DLG2: variants seen among roughly 807,000 people sequenced by gnomAD.
The protein encoded by DLG2 is disks large homolog 2.
DLG2 carries 45 observed loss-of-function variants against 132.5 expected under a neutral mutation model. That is an observed-to-expected ratio of 0.34 (90% CI 0.27 to 0.44). DLG2 has a LOEUF of 0.44. DLG2 is among the 20% of genes least tolerant of loss of function. The pLI is 1.00. For synonymous variants in DLG2, 424 were observed against 419.6 expected (o/e 1.01, Z -0.13); for missense variants, 1,045 against 1,196.9 (o/e 0.87, Z 1.87).
At chr11:83,990,475 G>A (rs535494758) in intron 11 of DLG2, among the ~76,000 whole-genome samples, 1 of 152,170 alleles carries the variant, frequency 6.6e-6, no homozygotes, top group East Asian at 1.9e-4. Context: ...CACCATGAAC[G>A]GATCGTGGTT....
chr11:83,470,211 A>T (rs1426801293), intron 24 of DLG2, among the ~76,000 whole-genome samples: 2 of 152,026 alleles, frequency 1.3e-5, no homozygotes, highest in Non-Finnish European at 2.9e-5. Flanking sequence ...AATAGGGAAA[A>T]ACCAAAATGT....
intron 11 of DLG2, among the ~76,000 whole-genome samples, chr11:84,015,988 C>T (rs187518115): frequency 1.3e-4 from 20 of 152,298 alleles, no homozygotes; most frequent in Admixed American, 5.2e-4. Context: ...AACTAATTTA[C>T]ACTCCCACCA....
chr11:84,507,531 G>A (rs2099244893), intron 7 of DLG2, among the ~76,000 whole-genome samples: 1 of 152,048 alleles, frequency 6.6e-6, no homozygotes. Context: ...TAAAAACTGG[G>A]CATCCTTGTC....
intron 18 of DLG2, among the ~76,000 whole-genome samples, chr11:83,663,808 G>T (rs531186715): frequency 5.0e-4 from 76 of 152,332 alleles, no homozygotes; most frequent in African/African-American, 1.7e-3. Flanking sequence ...TTCCTTGGAA[G>T]CCTCAGTTGT....
At chr11:84,457,627 G>A (rs1450854491) in intron 7 of DLG2, among the ~76,000 whole-genome samples, 1 of 150,892 alleles carries the variant, frequency 6.6e-6, no homozygotes, top group East Asian at 1.9e-4. Flanking sequence ...ATTTCCCTGT[G>A]AAAAGGCATT....
At chr11:84,869,407 A>G (rs2154039828) in intron 6 of DLG2, among the ~76,000 whole-genome samples, 2 of 152,288 alleles carry the variant, frequency 1.3e-5, no homozygotes, top group South Asian at 4.1e-4. Flanking sequence ...GACAAGGATG[A>G]GTTAAGATAG....
intron 9 of DLG2, among the ~76,000 whole-genome samples, 197 bp downstream of exon 9, chr11:84,163,264 T>C (rs1484085819): frequency 2.0e-5 from 3 of 152,176 alleles, no homozygotes; most frequent in Non-Finnish European, 2.9e-5. Flanking sequence ...ATTTACATAC[T>C]AAACATTCAG....
At chr11:84,153,584 A>C (rs2095357464) in intron 9 of DLG2, among the ~76,000 whole-genome samples, 1 of 152,202 alleles carries the variant, frequency 6.6e-6, no homozygotes, top group African/African-American at 2.4e-5. Context: ...TGTTGATTCA[A>C]AAGACCAGTC....
intron 3 of DLG2, among the ~76,000 whole-genome samples, chr11:85,383,866 C>G (rs570790455): frequency 3.9e-5 from 6 of 152,164 alleles, no homozygotes; most frequent in Non-Finnish European, 8.8e-5. Flanking sequence ...TAGATCCTTT[C>G]TGTGCCTTGA....
intron 26 of DLG2, among the ~76,000 whole-genome samples, chr11:83,465,581 A>G (rs2090871118): frequency 6.6e-6 from 1 of 152,184 alleles, no homozygotes; most frequent in Non-Finnish European, 1.5e-5. Context: ...TGGAAGAGGT[A>G]CTGTTTATGT....
At chr11:85,503,015 C>T (rs905191913) in intron 3 of DLG2, among the ~76,000 whole-genome samples, 9 of 151,984 alleles carry the variant, frequency 5.9e-5, no homozygotes, top group Non-Finnish European at 1.0e-4. Context: ...TAACACTATT[C>T]CCTACAATAT....
At chr11:83,945,793 G>A (rs148899730) in intron 14 of DLG2, among the ~76,000 whole-genome samples, 4 of 140,870 alleles carry the variant, frequency 2.8e-5, no homozygotes, top group African/African-American at 5.3e-5. Context: ...TTTATCCTAT[G>A]AGAGAAATGC....
chr11:84,825,037 A>G (rs1233047120), intron 6 of DLG2, among the ~76,000 whole-genome samples: 1 of 151,820 alleles, frequency 6.6e-6, no homozygotes, highest in Non-Finnish European at 1.5e-5. Context: ...TGAAAATCCT[A>G]CTTATTACCA....
At chr11:83,877,618 G>C (rs773212498) in intron 15 of DLG2, among the ~76,000 whole-genome samples, 1 of 152,094 alleles carries the variant, frequency 6.6e-6, no homozygotes, top group East Asian at 1.9e-4. Flanking sequence ...CAGAGAATTT[G>C]ACTCCTTTTA....
intron 3 of DLG2, among the ~76,000 whole-genome samples, chr11:85,428,169 A>G (rs143544544): frequency 3.3e-5 from 5 of 152,130 alleles, no homozygotes; most frequent in African/African-American, 1.2e-4. Context: ...CTCCCACACA[A>G]TAATAATGGG....
chr11:84,051,574 T>C (rs1202262754), intron 11 of DLG2, among the ~76,000 whole-genome samples: 1 of 129,164 alleles, frequency 7.7e-6, no homozygotes, highest in South Asian at 2.4e-4. Flanking sequence ...AACTGAACAA[T>C]GAGAACACAT....
At chr11:85,311,267 GAATT>G (rs2080296254) in intron 3 of DLG2, among the ~76,000 whole-genome samples, 1 of 152,144 alleles carries the variant, frequency 6.6e-6, no homozygotes, top group African/African-American at 2.4e-5. Flanking sequence ...GTGAGGATGA[GAATT>G]AATATTTGTA....
At chr11:83,560,964 T>C (rs1040109391) in intron 19 of DLG2, among the ~76,000 whole-genome samples, 1 of 151,348 alleles carries the variant, frequency 6.6e-6, no homozygotes, top group Non-Finnish European at 1.5e-5. Flanking sequence ...GAAAGCATGA[T>C]GCTGGCATCT....
intron 3 of DLG2, among the ~76,000 whole-genome samples, chr11:85,377,931 C>T (rs1237413448): frequency 2.0e-5 from 3 of 151,070 alleles, no homozygotes; most frequent in East Asian, 1.9e-4. Flanking sequence ...TTCAATTCCT[C>T]CTTTTATTAG....
Sources: gnomAD v4.1 joint callset for allele counts (sites outside exome capture counted in the v4.1 genomes callset) on GRCh38, gnomAD v4.1.1 for gene constraint, MANE v1.5 for transcripts, NCBI Gene and HGNC (gene_info 2026-07-23, HGNC 2026-07-21) for gene names.